The following MBD5 variants were observed in gnomAD, a reference collection of about 807,000 sequenced individuals.
MBD5 encodes the protein methyl-CpG binding domain protein 5.
MBD5 carries 13 observed loss-of-function variants against 117.3 expected under a neutral mutation model. That is an observed-to-expected ratio of 0.11 (90% CI 0.07 to 0.18). The LOEUF is 0.18. Among genes scored for constraint, MBD5 ranks in the 10% least tolerant of loss-of-function variants. The pLI is 1.00. For missense variants in MBD5, 1,879 were observed against 2,093.8 expected (o/e 0.90, Z 2.00); for synonymous variants, 727 against 766.4 (o/e 0.95, Z 0.85).
intron 2 of MBD5, among the ~76,000 whole-genome samples, chr2:148,219,629 T>G (rs1186065112): frequency 6.6e-6 from 1 of 152,164 alleles, no homozygotes; most frequent in East Asian, 1.9e-4. Flanking sequence ...CGTTTGCTAT[T>G]ATTAGGCATA....
intron 1 of MBD5, among the ~76,000 whole-genome samples, chr2:148,176,906 A>G (rs1223660082): frequency 2.6e-5 from 4 of 151,804 alleles, no homozygotes; most frequent in African/African-American, 9.7e-5. Context: ...ATTCTGAGCC[A>G]TCAAGGGCAT....
At chr2:148,156,550 G>A (rs930518128) in intron 1 of MBD5, among the ~76,000 whole-genome samples, 11 of 152,174 alleles carry the variant, frequency 7.2e-5, no homozygotes, top group African/African-American at 2.7e-4. Context: ...CAACACTTCT[G>A]TATGATCTTT....
intron 1 of MBD5, among the ~76,000 whole-genome samples, chr2:148,034,646 G>T (rs1456910294): frequency 1.3e-5 from 2 of 152,030 alleles, no homozygotes; most frequent in African/African-American, 4.8e-5. Flanking sequence ...ACATTCTGAG[G>T]AACATACTTA....
intron 3 of MBD5, among the ~76,000 whole-genome samples, chr2:148,338,345 T>TA (rs1011266857): frequency 1.9e-4 from 28 of 147,842 alleles, no homozygotes; most frequent in Admixed American, 7.4e-4. Flanking sequence ...TCCTTTAATC[T>TA]AAAAAAAAAA....
At chr2:148,270,807 G>A (rs1303893743) in intron 3 of MBD5, among the ~76,000 whole-genome samples, 1 of 152,008 alleles carries the variant, frequency 6.6e-6, no homozygotes, top group Non-Finnish European at 1.5e-5. Context: ...TCCTACAGCA[G>A]GTTGGCCCCC....
At chr2:148,056,633 A>G (rs567045546) in intron 1 of MBD5, among the ~76,000 whole-genome samples, 1 of 152,222 alleles carries the variant, frequency 6.6e-6, no homozygotes, top group East Asian at 1.9e-4. Flanking sequence ...AATTTAACCA[A>G]AACAGACTTT....
chr2:148,424,585 T>C (rs1705717933), intron 4 of MBD5, among the ~76,000 whole-genome samples: 1 of 152,046 alleles, frequency 6.6e-6, no homozygotes, highest in African/African-American at 2.4e-5. Context: ...ATATACATTC[T>C]TCTCACCACC....
chr2:148,367,926 T>G (rs2105346850), intron 4 of MBD5, among the ~76,000 whole-genome samples: 1 of 152,302 alleles, frequency 6.6e-6, no homozygotes, highest in Non-Finnish European at 1.5e-5. Context: ...TGGCGATTCC[T>G]CAAGGATCTA....
chr2:148,300,662 T>G (rs1391115943), intron 3 of MBD5, among the ~76,000 whole-genome samples: 1 of 152,182 alleles, frequency 6.6e-6, no homozygotes, highest in Non-Finnish European at 1.5e-5. Context: ...ATCAGAGACA[T>G]TTTCTATCTT....
At chr2:148,496,491 A>C (rs1681706487) in intron 11 of MBD5, among the ~76,000 whole-genome samples, 1 of 152,230 alleles carries the variant, frequency 6.6e-6, no homozygotes, top group Non-Finnish European at 1.5e-5. Context: ...TCGCATAGGT[A>C]ACTGAGCCCA....
chr2:148,322,056 A>C (rs181787635), intron 3 of MBD5, among the ~76,000 whole-genome samples: 1 of 152,324 alleles, frequency 6.6e-6, no homozygotes, highest in Non-Finnish European at 1.5e-5. Context: ...CATGTACTCT[A>C]CGCTAGACTC....
intron 4 of MBD5, among the ~76,000 whole-genome samples, chr2:148,366,815 A>G (rs138735322): frequency 9.6e-4 from 147 of 152,346 alleles, no homozygotes; most frequent in African/African-American, 3.2e-3. Flanking sequence ...CCACTGCTGA[A>G]GAAAATAAGA....
chr2:148,175,783 T>A (rs1157219026), intron 1 of MBD5, among the ~76,000 whole-genome samples: 1 of 152,342 alleles, frequency 6.6e-6, no homozygotes, highest in South Asian at 2.1e-4. Context: ...AAAATATAGA[T>A]GATAATAGCA....
chr2:148,062,981 C>T lies in MBD5; in HGVS notation c.-925+41297C>T, dbSNP rs963942820. Among the ~76,000 whole-genome samples, 3 of 152,102 alleles carry T rather than the reference C, an allele frequency of 2.0e-5. No individual in the cohort carries two copies. The East Asian group carries it at 5.8e-4, about 29-fold the overall frequency. On this transcript the variant is annotated intron_variant, in intron 1 of 13. Transcript: ENST00000642680. ...ATTATCTTGGAGAATGTCAAAATTT[C>T]TCAGCACATATTTGCGGATTCCTTG... is the stretch of plus-strand genomic sequence containing the variant.
intron 1 of MBD5, among the ~76,000 whole-genome samples, chr2:148,124,917 G>T (rs1351569060): frequency 6.6e-6 from 1 of 150,538 alleles, no homozygotes; most frequent in Non-Finnish European, 1.5e-5. Context: ...ATGTATCAAA[G>T]AAAATATAGT....
rs1237121883 is a variant in MBD5 at position 148,385,184 on chromosome 2, G to A, written c.-557+42848G>A. Among the ~76,000 whole-genome samples, 3 of 152,208 alleles carry A rather than the reference G, an allele frequency of 2.0e-5. No homozygotes were observed. In the South Asian group the frequency reaches 6.2e-4, roughly 32 times the overall value. On this transcript the variant is annotated intron_variant, in intron 4 of 13. Transcript: ENST00000642680. ...CATCAGAGTGAACAGGCAACCTACA[G>A]AATGGGAGAAAATTTTGGCAACGTA...
rs566751242 is a variant in MBD5 at position 148,463,086 on chromosome 2, C to T, written c.216+402C>T. On this transcript the variant is annotated intron_variant, in intron 6 of 13. Coordinates refer to ENST00000642680, the MANE Select transcript of MBD5 (RefSeq NM_001378120.1). ...TCTCAAAATCACAAAACTGAACCCT[C>T]CTAGCCAAAATATGAAACTGTTTTA... Among the ~76,000 whole-genome samples the T allele has an allele frequency of 7.9e-5, 12 of 152,134 alleles. No individual in the cohort carries two copies. The East Asian group carries it at 1.9e-3, about 25-fold the overall frequency.
intron 3 of MBD5, among the ~76,000 whole-genome samples, chr2:148,259,770 G>GT (rs1285671527): frequency 6.6e-6 from 1 of 152,190 alleles, no homozygotes; most frequent in African/African-American, 2.4e-5. Context: ...CTCACGTGGT[G>GT]TGGTTGCATA....
At chr2:148,503,387 T>A (rs1681930008) in intron 12 of MBD5, among the ~76,000 whole-genome samples, 1 of 152,230 alleles carries the variant, frequency 6.6e-6, no homozygotes, top group Non-Finnish European at 1.5e-5. Flanking sequence ...CCATTTTAAC[T>A]TCTGTTTGTA....
Sources: gnomAD v4.1 joint callset for allele counts (sites outside exome capture counted in the v4.1 genomes callset) on GRCh38, gnomAD v4.1.1 for gene constraint, MANE v1.5 for transcripts, NCBI Gene and HGNC (gene_info 2026-07-23, HGNC 2026-07-21) for gene names.